Variants in DDC observed in about 807,000 individuals in gnomAD.
DDC encodes aromatic-L-amino-acid decarboxylase.
In DDC, 43 loss-of-function variants were observed where a neutral mutation model predicts 60.0. That is an observed-to-expected ratio of 0.72 (90% confidence interval 0.56 to 0.92). The LOEUF is 0.92. Among genes scored for constraint, DDC ranks in the 40% least tolerant of loss-of-function variants. The probability of loss-of-function intolerance (pLI) is 0.00; values close to 1 mark genes in which losing one functional copy is unlikely to be tolerated. For missense variants in DDC, 573 were observed against 620.2 expected, an observed-to-expected ratio of 0.92 and a Z score of 0.81; for synonymous variants, 232 against 234.6, an observed-to-expected ratio of 0.99 and a Z score of 0.10.
At chr7:50,517,299 A>G (rs2043759927) in intron 6 of DDC, among the ~76,000 whole-genome samples, 1 of 152,222 alleles carries the variant, frequency 6.6e-6, no homozygotes, top group Non-Finnish European at 1.5e-5. Context: ...ACACCACAGA[A>G]AGAGAATTAA....
chr7:50,556,432 A>G (rs1477616703), intron 1 of DDC, among the ~76,000 whole-genome samples: 3 of 152,030 alleles, frequency 2.0e-5, no homozygotes, highest in Non-Finnish European at 2.9e-5. Context: ...TGACCTAATC[A>G]TCTCTCAAAG....
At chr7:50,550,503 A>C (rs1416753740) in intron 1 of DDC, among the ~76,000 whole-genome samples, 1 of 152,160 alleles carries the variant, frequency 6.6e-6, no homozygotes, top group Admixed American at 6.5e-5. Context: ...GTTAATTTAG[A>C]AAGTTTATTT....
intron 4 of DDC, among the ~76,000 whole-genome samples, chr7:50,535,789 T>C (rs12112308): frequency 0.031 from 4,657 of 152,284 alleles, 131 homozygotes; most frequent in African/African-American, 0.073. Context: ...TGTGACTGTT[T>C]CCCTTCCAGG....
chr7:50,464,570 G>T (rs1352929629), intron 13 of DDC, among the ~76,000 whole-genome samples: 6 of 152,212 alleles, frequency 3.9e-5, no homozygotes, highest in African/African-American at 7.2e-5. Flanking sequence ...ATAGAGCACA[G>T]AAAATGGAAG....
At chr7:50,483,720 G>A (rs2042819663) in intron 9 of DDC, among the ~76,000 whole-genome samples, 1 of 152,062 alleles carries the variant, frequency 6.6e-6, no homozygotes, top group Non-Finnish European at 1.5e-5. Flanking sequence ...GGCTAGCACA[G>A]TGAAACCCCG....
chr7:50,510,216 C>A (rs912656022), intron 6 of DDC, among the ~76,000 whole-genome samples: 1 of 152,094 alleles, frequency 6.6e-6, no homozygotes, highest in Admixed American at 6.5e-5. Flanking sequence ...ACCTCATGAT[C>A]CGCCCACCTT....
At position 50,503,980 on chromosome 7, in the gene DDC, A is replaced by T. The variant is rs1476629036; in HGVS notation, c.781+13T>A. ...GAACATTTTCCAAAAAGAAAATGGAATCGGATACTTACAGATAGGACCGAC... is the reference window on the plus strand; with the variant it reads ...GAACATTTTCCAAAAAGAAAATGGATTCGGATACTTACAGATAGGACCGAC... On this transcript the variant is annotated intron_variant, in intron 7 of 14. Coordinates refer to ENST00000444124, the MANE Select transcript of DDC (RefSeq NM_001082971.2). The T allele has an allele frequency of 6.2e-7, 1 of 1,602,748 alleles. No homozygotes were observed. Among genetic ancestry groups the T allele is most frequent in the African/African-American group, 1.3e-5 (1 of 74,842 alleles).
At chr7:50,548,421 C>T (rs895068324) in intron 1 of DDC, among the ~76,000 whole-genome samples, 1 of 152,156 alleles carries the variant, frequency 6.6e-6, no homozygotes, top group African/African-American at 2.4e-5. Flanking sequence ...AAGTATAACT[C>T]CAGTGAGCAC....
rs115145682 is a variant in DDC at position 50,492,302 on chromosome 7, C to G, written c.944+3048G>C. 5.5e-3 allele frequency among the ~76,000 whole-genome samples: 837 copies of G among 152,344 alleles called. 8 individuals carry two copies. Among genetic ancestry groups the G allele is most frequent in the African/African-American group, 0.019 (807 of 41,576 alleles). On this transcript the variant is annotated intron_variant, in intron 9 of 14. Transcript: ENST00000444124. ...GCAATTTCTGTGTTAAAACACAAAT[C>G]TTTCAAAGATCAGATTTCATCTATC... is the stretch of plus-strand genomic sequence containing the variant.
At chr7:50,565,073 G>A (rs1344001826) in intron 1 of DDC, among the ~76,000 whole-genome samples, 1 of 152,216 alleles carries the variant, frequency 6.6e-6, no homozygotes, top group East Asian at 1.9e-4. Context: ...TGTCACTGGA[G>A]TGACTGTGTG....
At chr7:50,527,156 A>G (rs915410169) in intron 6 of DDC, among the ~76,000 whole-genome samples, 1 of 152,184 alleles carries the variant, frequency 6.6e-6, no homozygotes, top group East Asian at 1.9e-4. Flanking sequence ...TTCCCACTGG[A>G]ATGTTGCCTT....
At chr7:50,472,204 G>A (rs1004411271) in intron 11 of DDC, among the ~76,000 whole-genome samples, 19 of 152,156 alleles carry the variant, frequency 1.2e-4, no homozygotes, top group African/African-American at 4.6e-4. Flanking sequence ...AAGGGACTCT[G>A]TCTCATTTGC....
chr7:50,478,459 G>A (rs2042697262), intron 10 of DDC, among the ~76,000 whole-genome samples: 1 of 152,210 alleles, frequency 6.6e-6, no homozygotes, highest in South Asian at 2.1e-4. Context: ...GGGTGGTGCA[G>A]AATTATAAAT....
At chr7:50,515,219 AC>A (rs1210001669) in intron 6 of DDC, among the ~76,000 whole-genome samples, 2 of 152,164 alleles carry the variant, frequency 1.3e-5, no homozygotes, top group African/African-American at 2.4e-5. Flanking sequence ...CTCAGCAGAA[AC>A]CCTACAAGCC....
intron 13 of DDC, among the ~76,000 whole-genome samples, chr7:50,466,597 G>C (rs1028574627): frequency 3.3e-5 from 5 of 151,894 alleles, no homozygotes; most frequent in African/African-American, 1.2e-4. Context: ...TGTGTGCAGT[G>C]CATCTTAGAG....
chr7:50,561,882 T>C (rs1327867868), intron 1 of DDC, among the ~76,000 whole-genome samples: 1 of 151,780 alleles, frequency 6.6e-6, no homozygotes, highest in African/African-American at 2.4e-5. Context: ...TGCACACTTA[T>C]GCATGCACAC....
intron 6 of DDC, among the ~76,000 whole-genome samples, chr7:50,519,222 A>G (rs533425631): frequency 6.6e-6 from 1 of 152,356 alleles, no homozygotes; most frequent in Non-Finnish European, 1.5e-5. Flanking sequence ...GAATAGCCAT[A>G]ATCAAAAAAT....
chr7:50,546,625 C>A (rs1169747406), intron 1 of DDC, among the ~76,000 whole-genome samples: 1 of 152,202 alleles, frequency 6.6e-6, no homozygotes, highest in Non-Finnish European at 1.5e-5. Context: ...CTAGAATGTG[C>A]TTTTCCTTCC....
intron 10 of DDC, 40 bp downstream of exon 10, chr7:50,479,747 A>C: frequency 6.3e-7 from 1 of 1,582,302 alleles, no homozygotes; most frequent in Non-Finnish European, 8.7e-7. Context: ...GAGGGGAACA[A>C]GACCAGAAAC....
Sources: gnomAD v4.1 joint callset for allele counts (sites outside exome capture counted in the v4.1 genomes callset) on GRCh38, gnomAD v4.1.1 for gene constraint, MANE v1.5 for transcripts, NCBI Gene and HGNC (gene_info 2026-07-23, HGNC 2026-07-21) for gene names.